Variants in ZFPM2 observed in about 807,000 individuals in gnomAD.
ZFPM2 encodes zinc finger protein, FOG family member 2.
In ZFPM2, 20 loss-of-function variants were observed where a neutral mutation model predicts 98.6. The ratio of observed to expected loss-of-function variants is 0.20; its 90% CI spans 0.14 to 0.29. ZFPM2 has a LOEUF of 0.29. ZFPM2 is among the 10% of genes least tolerant of loss of function. ZFPM2 has a pLI of 1.00. For missense variants in ZFPM2, 1,310 were observed against 1,388.6 expected, an observed-to-expected ratio of 0.94 and a Z score of 0.90; for synonymous variants, 518 against 502.7, an observed-to-expected ratio of 1.03 and a Z score of -0.41.
At chr8:105,626,882 G>A (rs748188385) in intron 4 of ZFPM2, among the ~76,000 whole-genome samples, 23 of 152,050 alleles carry the variant, frequency 1.5e-4, no homozygotes, top group Admixed American at 3.3e-4. Context: ...TATTTTTGTT[G>A]TATTTCCTAA....
chr8:105,590,643 G>A (rs1815820973), intron 4 of ZFPM2, among the ~76,000 whole-genome samples: 2 of 152,226 alleles, frequency 1.3e-5, no homozygotes, highest in African/African-American at 4.8e-5. Flanking sequence ...TGGATGTGGA[G>A]GGCTGATGTG....
At chr8:105,695,906 A>C (rs1274464096) in intron 5 of ZFPM2, among the ~76,000 whole-genome samples, 2 of 152,224 alleles carry the variant, frequency 1.3e-5, no homozygotes, top group African/African-American at 4.8e-5. Flanking sequence ...GATGGAAATG[A>C]AAACAAAGCA....
chr8:105,529,419 A>T (rs1171517432), intron 3 of ZFPM2, among the ~76,000 whole-genome samples: 1 of 152,148 alleles, frequency 6.6e-6, no homozygotes, highest in Non-Finnish European at 1.5e-5. Flanking sequence ...GTAATATACT[A>T]TATGTACATT....
At chr8:105,492,082 A>G (rs1194917343) in intron 3 of ZFPM2, among the ~76,000 whole-genome samples, 1 of 152,188 alleles carries the variant, frequency 6.6e-6, no homozygotes, top group African/African-American at 2.4e-5. Context: ...TTCAAAGCCT[A>G]CAAACATCAA....
intron 5 of ZFPM2, among the ~76,000 whole-genome samples, chr8:105,661,504 A>G (rs1369821290): frequency 1.3e-5 from 2 of 152,170 alleles, no homozygotes. Flanking sequence ...GAAATCTGTA[A>G]AATTTACCTG....
At chr8:105,383,789 C>A (rs1466464489) in intron 1 of ZFPM2, among the ~76,000 whole-genome samples, 2 of 152,082 alleles carry the variant, frequency 1.3e-5, no homozygotes, top group Non-Finnish European at 2.9e-5. Flanking sequence ...CTTGGAGCTC[C>A]TGCTGGATCA....
At chr8:105,591,186 G>A (rs2130764645) in intron 4 of ZFPM2, among the ~76,000 whole-genome samples, 1 of 151,526 alleles carries the variant, frequency 6.6e-6, no homozygotes, top group African/African-American at 2.4e-5. Context: ...CACAAACTGG[G>A]TTATGAACAA....
intron 2 of ZFPM2, among the ~76,000 whole-genome samples, chr8:105,437,451 A>G (rs1812142477): frequency 6.6e-6 from 1 of 151,976 alleles, no homozygotes; most frequent in Non-Finnish European, 1.5e-5. Context: ...TACTTGTTCA[A>G]TCAACCCCTT....
intron 6 of ZFPM2, among the ~76,000 whole-genome samples, chr8:105,792,616 A>C (rs917889986): frequency 3.9e-5 from 6 of 152,014 alleles, no homozygotes; most frequent in African/African-American, 7.2e-5. Context: ...TGGTGCAGAG[A>C]TGAGTTCAAT....
intron 3 of ZFPM2, among the ~76,000 whole-genome samples, chr8:105,538,636 GC>G (rs1443364391): frequency 6.6e-6 from 1 of 151,646 alleles, no homozygotes; most frequent in Non-Finnish European, 1.5e-5. Context: ...ATTATTATGG[GC>G]TTTTTTTTTT....
At chr8:105,488,482 C>T (rs1404666772) in intron 3 of ZFPM2, among the ~76,000 whole-genome samples, 2 of 152,146 alleles carry the variant, frequency 1.3e-5, no homozygotes, top group Non-Finnish European at 2.9e-5. Flanking sequence ...TAAGTAACAG[C>T]CGGGCGCGGT....
At chr8:105,425,140 T>C (rs999021740) in intron 2 of ZFPM2, among the ~76,000 whole-genome samples, 10 of 152,024 alleles carry the variant, frequency 6.6e-5, no homozygotes, top group African/African-American at 2.4e-4. Flanking sequence ...CTGTAGAACC[T>C]GCTGCTCTTG....
chr8:105,494,262 C>T (rs373236321), intron 3 of ZFPM2, among the ~76,000 whole-genome samples: 1 of 134,258 alleles, frequency 7.4e-6, no homozygotes, highest in Non-Finnish European at 1.5e-5. Flanking sequence ...GTGAATTTTG[C>T]AGCTTTCCTT....
At chr8:105,654,148 C>T (rs1378546695) in intron 5 of ZFPM2, among the ~76,000 whole-genome samples, 1 of 151,690 alleles carries the variant, frequency 6.6e-6, no homozygotes, top group Middle Eastern at 3.2e-3. Context: ...GGCCCCTTGA[C>T]CCCTGGAACT....
intron 5 of ZFPM2, among the ~76,000 whole-genome samples, chr8:105,695,463 A>G (rs1191919928): frequency 7.1e-6 from 1 of 140,172 alleles, no homozygotes; most frequent in Admixed American, 7.7e-5. Flanking sequence ...TAACTGATGG[A>G]GATCAACTCA....
intron 3 of ZFPM2, among the ~76,000 whole-genome samples, chr8:105,504,531 G>A (rs77890388): frequency 0.024 from 3,698 of 152,156 alleles, 76 homozygotes; most frequent in African/African-American, 0.064. Flanking sequence ...GCAGGCCATC[G>A]CGCTTTTTTA....
rs541134056 is a variant in ZFPM2 at position 105,450,228 on chromosome 8, G to C, written c.301+5847G>C. 3.3e-5 allele frequency among the ~76,000 whole-genome samples: 5 copies of C among 152,156 alleles called. No homozygotes were observed. In the South Asian group the frequency reaches 1.0e-3, roughly 32 times the overall value. On this transcript the variant is annotated intron_variant, in intron 3 of 7. Transcript: ENST00000407775. ...TTAAACTAGTAAGATGATCACTTTT[G>C]CATGAAGTGAAACTGTAGCCAGAAG... is the stretch of plus-strand genomic sequence containing the variant.
At chr8:105,610,169 C>T (rs1482051566) in intron 4 of ZFPM2, among the ~76,000 whole-genome samples, 1 of 152,056 alleles carries the variant, frequency 6.6e-6, no homozygotes, top group African/African-American at 2.4e-5. Flanking sequence ...TTTAGATAGT[C>T]GCCTTAGTAA....
chr8:105,740,725 G>GCAGT (rs1284106802), intron 5 of ZFPM2, among the ~76,000 whole-genome samples: 19 of 151,534 alleles, frequency 1.3e-4, no homozygotes, highest in Non-Finnish European at 1.9e-4. Flanking sequence ...TGTTACCCTA[G>GCAGT]GAAACAAATA....
Sources: gnomAD v4.1 joint callset for allele counts (sites outside exome capture counted in the v4.1 genomes callset) on GRCh38, gnomAD v4.1.1 for gene constraint, MANE v1.5 for transcripts, NCBI Gene and HGNC (gene_info 2026-07-23, HGNC 2026-07-21) for gene names.